FNBP1: variants seen among roughly 807,000 people sequenced by gnomAD.
The protein encoded by FNBP1 is formin-binding protein 1.
Under a neutral mutation model 90.6 loss-of-function variants are expected in FNBP1, and 26 were observed. The observed-to-expected ratio is 0.29, with a 90% CI of 0.21 to 0.40. FNBP1 has a LOEUF of 0.40. FNBP1 is among the 10% of genes least tolerant of loss of function. The pLI is 1.00. For synonymous variants in FNBP1, 260 were observed against 265.2 expected (o/e 0.98, Z 0.19); for missense variants, 635 against 768.0 (o/e 0.83, Z 2.05).
At chr9:129,919,681 T>C (rs757233073) in intron 10 of FNBP1, among the ~76,000 whole-genome samples, 5 of 152,250 alleles carry the variant, frequency 3.3e-5, no homozygotes, top group Non-Finnish European at 5.9e-5. Flanking sequence ...TATGTTTGCA[T>C]GGGATTTATA....
At chr9:130,035,546 C>T (rs563023933) in intron 1 of FNBP1, among the ~76,000 whole-genome samples, 84 of 152,212 alleles carry the variant, frequency 5.5e-4, no homozygotes, top group Non-Finnish European at 1.1e-3. Context: ...TTGCTGGATT[C>T]TTGTAACAAA....
chr9:129,989,402 G>A (rs1350399640), intron 2 of FNBP1, among the ~76,000 whole-genome samples: 2 of 152,112 alleles, frequency 1.3e-5, no homozygotes, highest in African/African-American at 4.8e-5. Context: ...TCACAGGCCG[G>A]TGCAAACACA....
At chr9:129,927,796 G>A (rs1032052502) in intron 7 of FNBP1, among the ~76,000 whole-genome samples, 1 of 42,594 alleles carries the variant, frequency 2.3e-5, no homozygotes. Context: ...CTAATTTTTT[G>A]TATTTTTAGT....
intron 1 of FNBP1, among the ~76,000 whole-genome samples, chr9:129,998,174 C>T (rs1263714784): frequency 2.7e-5 from 3 of 112,158 alleles, no homozygotes; most frequent in Non-Finnish European, 5.1e-5. Flanking sequence ...CCAGTCTGGG[C>T]GAAAGACAGA....
intron 2 of FNBP1, among the ~76,000 whole-genome samples, chr9:129,984,543 G>A (rs1024065252): frequency 6.6e-6 from 1 of 152,104 alleles, no homozygotes; most frequent in Non-Finnish European, 1.5e-5. Flanking sequence ...CAGGAGCCGG[G>A]GCTCACCCCC....
At chr9:129,941,873 C>T (rs72757256) in intron 6 of FNBP1, among the ~76,000 whole-genome samples, 1,542 of 152,200 alleles carry the variant, frequency 0.01, 18 homozygotes, top group South Asian at 0.039. Context: ...GAGTTCAAGA[C>T]CCCCCTGGCT....
Position 129,943,997 on chromosome 9 carries a change from A to AAAAAAAC in FNBP1, c.513+13362_513+13363insGTTTTTT, listed in dbSNP as rs1366404722. On this transcript the variant is annotated intron_variant, in intron 6 of 16. Transcript: ENST00000446176. ...GACAGAGCGAGACTCCATCTCAAAA[A>AAAAAAAC]AAAAAAAAAAAACCTGCTATCGTTC... Among the ~76,000 whole-genome samples the AAAAAAAC allele has an allele frequency of 4.0e-5, 6 of 150,126 alleles. 2 individuals carry two copies. The highest frequency in any genetic ancestry group is 7.3e-5 in the African/African-American group (3 of 40,976).
At chr9:130,024,764 C>T (rs2058177828) in intron 1 of FNBP1, among the ~76,000 whole-genome samples, 1 of 152,132 alleles carries the variant, frequency 6.6e-6, no homozygotes, top group African/African-American at 2.4e-5. Flanking sequence ...ATCTTTTTGG[C>T]AAATAAAGCA....
chr9:129,921,536 G>T (rs2041107095), intron 10 of FNBP1, among the ~76,000 whole-genome samples: 1 of 151,896 alleles, frequency 6.6e-6, no homozygotes, highest in Non-Finnish European at 1.5e-5. Context: ...TGGGATTACA[G>T]GCACCCGCCT....
chr9:129,964,096 A>AC (rs2048232949), intron 4 of FNBP1, among the ~76,000 whole-genome samples: 1 of 152,166 alleles, frequency 6.6e-6, no homozygotes, highest in Non-Finnish European at 1.5e-5. Flanking sequence ...CGCTGCTTTC[A>AC]CCGGAAAAGC....
At chr9:129,997,480 T>C (rs1322670) in intron 1 of FNBP1, among the ~76,000 whole-genome samples, 135,356 of 152,246 alleles carry the variant, frequency 0.89, 60,263 homozygotes, top group Non-Finnish European at 0.91. Flanking sequence ...ATTATGTTAT[T>C]TATAAAGTCA....
chr9:129,909,570 AT>A (rs2038841975), intron 11 of FNBP1, among the ~76,000 whole-genome samples: 1 of 151,522 alleles, frequency 6.6e-6, no homozygotes, highest in Non-Finnish European at 1.5e-5. Flanking sequence ...AAAAAAAAAA[AT>A]CTCTTCTCCT....
chr9:130,007,997 C>CAAA (rs36074642), intron 1 of FNBP1, among the ~76,000 whole-genome samples: 30 of 95,180 alleles, frequency 3.2e-4, no homozygotes, highest in South Asian at 2.2e-3. Context: ...GACTCTGTCT[C>CAAA]AAAAAAAAAA....
intron 4 of FNBP1, among the ~76,000 whole-genome samples, chr9:129,961,522 T>TC (rs2047814609): frequency 6.6e-6 from 1 of 152,070 alleles, no homozygotes; most frequent in Non-Finnish European, 1.5e-5. Flanking sequence ...GAGAATGGTG[T>TC]CTTTTTTTTG....
intron 4 of FNBP1, among the ~76,000 whole-genome samples, chr9:129,977,793 A>G (rs745546434): frequency 1.3e-5 from 2 of 151,724 alleles, no homozygotes; most frequent in Non-Finnish European, 2.9e-5. Context: ...TGCCCGACTG[A>G]TAAGTACTAA....
chr9:130,051,033 TGGGATTACAGGCA>T, the FNBP1 span, among the ~76,000 whole-genome samples: 15 of 152,012 alleles, frequency 9.9e-5, no homozygotes, highest in Admixed American at 7.9e-4. Context: ...CCTGAGTAGC[TGGGATTACAGGCA>T]TGCGCCACCA....
chr9:129,973,666 A>C (rs2049844949), intron 4 of FNBP1, among the ~76,000 whole-genome samples: 1 of 144,160 alleles, frequency 6.9e-6, no homozygotes, highest in Non-Finnish European at 1.5e-5. Flanking sequence ...ATGCCCGGCT[A>C]ATTTTTTTTT....
chr9:129,956,262 G>A lies in FNBP1; in HGVS notation c.513+1098C>T, dbSNP rs756521780. Among the ~76,000 whole-genome samples, 3 of 152,074 alleles carry A rather than the reference G, an allele frequency of 2.0e-5. No homozygotes were observed. In the South Asian group the frequency reaches 6.2e-4, roughly 31 times the overall value. The stretch of plus-strand genomic sequence containing the variant: ...TAAGCAAGGAATTTGGCAGAATTTG[G>A]CAAATAATAGTTCACACCATTTCCC... On this transcript the variant is annotated intron_variant, in intron 6 of 16. Coordinates refer to ENST00000446176, the MANE Select transcript of FNBP1 (RefSeq NM_015033.3).
At chr9:129,923,273 A>C (rs768733134) in intron 10 of FNBP1, among the ~76,000 whole-genome samples, 2 of 152,130 alleles carry the variant, frequency 1.3e-5, no homozygotes, top group Non-Finnish European at 2.9e-5. Context: ...AGTCCTTCCA[A>C]AATGTACTAG....
Sources: gnomAD v4.1 joint callset for allele counts (sites outside exome capture counted in the v4.1 genomes callset) on GRCh38, gnomAD v4.1.1 for gene constraint, MANE v1.5 for transcripts, NCBI Gene and HGNC (gene_info 2026-07-23, HGNC 2026-07-21) for gene names.